ATRN: variants seen among roughly 807,000 people sequenced by gnomAD.
ATRN encodes the protein attractin.
Under a neutral mutation model 178.7 loss-of-function variants are expected in ATRN, and 54 were observed. That is an observed-to-expected ratio of 0.30 (90% CI 0.24 to 0.38). The LOEUF is 0.38. Ranked by LOEUF, ATRN falls within the 10% of genes least tolerant of loss-of-function variation. ATRN has a pLI of 1.00. For synonymous variants in ATRN, 636 were observed against 663.0 expected (o/e 0.96, Z 0.63); for missense variants, 1,443 against 1,815.1 (o/e 0.79, Z 3.73).
chr20:3,493,019 TTATC>T (rs1312187688), intron 1 of ATRN, among the ~76,000 whole-genome samples: 2 of 144,560 alleles, frequency 1.4e-5, no homozygotes, highest in Non-Finnish European at 3.0e-5. Context: ...TAATTGTATA[TTATC>T]TATAATTATA....
At chr20:3,540,367 G>T in intron 3 of ATRN, 32 bp downstream of exon 3, 1 of 1,352,246 alleles carries the variant, frequency 7.4e-7, no homozygotes. Context: ...TTCTTTCATC[G>T]TTTGATTTCT....
intron 24 of ATRN, among the ~76,000 whole-genome samples, chr20:3,624,171 A>T (rs953300277): frequency 1.3e-5 from 2 of 152,338 alleles, no homozygotes; most frequent in East Asian, 1.9e-4. Context: ...ACTGAGGCAA[A>T]CAAGGAGAGC....
At chr20:3,602,096 A>G (rs549452497) in intron 23 of ATRN, among the ~76,000 whole-genome samples, 16 of 151,990 alleles carry the variant, frequency 1.1e-4, no homozygotes, top group Non-Finnish European at 1.6e-4. Flanking sequence ...TGGGAAGCCA[A>G]GGTGGGAAGA....
intron 1 of ATRN, among the ~76,000 whole-genome samples, chr20:3,509,803 C>T (rs897524735): frequency 2.6e-5 from 4 of 152,132 alleles, no homozygotes; most frequent in Admixed American, 6.5e-5. Context: ...CACGCCCAGC[C>T]ACAAATTTTT....
chr20:3,556,854 C>T (rs2085884031), intron 6 of ATRN, among the ~76,000 whole-genome samples: 1 of 151,966 alleles, frequency 6.6e-6, no homozygotes, highest in South Asian at 2.1e-4. Flanking sequence ...TGATGGTTCA[C>T]CTTAGCCAGA....
chr20:3,641,308 A>G (rs894205225), intron 27 of ATRN, among the ~76,000 whole-genome samples: 31 of 152,148 alleles, frequency 2.0e-4, no homozygotes, highest in African/African-American at 7.0e-4. Context: ...ATGGGAAAAG[A>G]GGCCGGGTGT....
chr20:3,611,446 A>G lies in ATRN; in HGVS notation c.3801+7184A>G, dbSNP rs114242472. On this transcript the variant is annotated intron_variant, in intron 24 of 28. Coordinates refer to ENST00000262919, the MANE Select transcript of ATRN (RefSeq NM_139321.3). ...ATGACATAAAAGATGATCGGCATCA[A>G]TAACCATTAGAGAGGCCAGGTGTGG... 5.8e-3 allele frequency among the ~76,000 whole-genome samples: 883 copies of G among 152,354 alleles called. 11 individuals carry two copies. The highest frequency in any genetic ancestry group is 0.02 in the African/African-American group (839 of 41,576).
At chr20:3,582,046 C>A in intron 15 of ATRN, 89 bp from the exon 16 acceptor site, 1 of 1,227,712 alleles carries the variant, frequency 8.1e-7, no homozygotes, top group Non-Finnish European at 1.2e-6. Context: ...TTGAAACTAG[C>A]CAGGGCAACA....
chr20:3,490,538 T>C (rs747009026), intron 1 of ATRN: 2 of 1,193,370 alleles, frequency 1.7e-6, no homozygotes, highest in Non-Finnish European at 2.5e-6. Flanking sequence ...AGGTATGTGA[T>C]ATAATCCAGC....
chr20:3,480,375 A>G (rs1350196343), intron 1 of ATRN, among the ~76,000 whole-genome samples: 1 of 152,176 alleles, frequency 6.6e-6, no homozygotes, highest in Non-Finnish European at 1.5e-5. Flanking sequence ...TAGAACTGTT[A>G]AGAGTTAGCG....
At chr20:3,542,452 A>T (rs1042900622) in intron 3 of ATRN, among the ~76,000 whole-genome samples, 5 of 150,812 alleles carry the variant, frequency 3.3e-5, no homozygotes, top group African/African-American at 1.2e-4. Context: ...AATTCTTCAA[A>T]AGAACATTAT....
chr20:3,588,044 G>A (rs1273416210), intron 18 of ATRN, among the ~76,000 whole-genome samples: 5 of 151,954 alleles, frequency 3.3e-5, no homozygotes, highest in Admixed American at 6.6e-5. Context: ...ACAGGGTTTC[G>A]CCATGTTGCC....
chr20:3,541,616 GTA>G (rs1377868842), intron 3 of ATRN, among the ~76,000 whole-genome samples: 1 of 152,032 alleles, frequency 6.6e-6, no homozygotes, highest in Non-Finnish European at 1.5e-5. Context: ...GTAAGTATTT[GTA>G]TATCTAAACA....
chr20:3,479,081 A>G (rs2084579708), intron 1 of ATRN, among the ~76,000 whole-genome samples: 1 of 151,932 alleles, frequency 6.6e-6, no homozygotes, highest in Non-Finnish European at 1.5e-5. Context: ...TGTAGAGATG[A>G]GGTCTCACTA....
intron 9 of ATRN, 91 bp downstream of exon 9, chr20:3,562,550 G>T: frequency 1.5e-6 from 2 of 1,320,288 alleles, no homozygotes; most frequent in Non-Finnish European, 1.1e-6. Flanking sequence ...TTGTTTTCAT[G>T]CCTGGCAGAT....
intron 25 of ATRN, among the ~76,000 whole-genome samples, chr20:3,631,327 T>TTCCCCAAA (rs2086988187): frequency 6.6e-6 from 1 of 152,080 alleles, no homozygotes; most frequent in Admixed American, 6.6e-5. Flanking sequence ...CTCTGAAGAA[T>TTCCCCAAA]GGCTCATATA....
chr20:3,642,792 C>A (rs1182652480), intron 27 of ATRN, among the ~76,000 whole-genome samples: 2 of 152,172 alleles, frequency 1.3e-5, no homozygotes, highest in Admixed American at 1.3e-4. Context: ...CAGTCACACA[C>A]TACTCTAGGT....
At chr20:3,493,123 TG>T (rs2084830065) in intron 1 of ATRN, among the ~76,000 whole-genome samples, 1 of 974 alleles carries the variant, frequency 1.0e-3, no homozygotes, top group Non-Finnish European at 7.9e-3. Context: ...TACGTTTGTT[TG>T]TGTGTGTGTG....
chr20:3,582,066 T>TC, intron 15 of ATRN, 69 bp from the exon 16 acceptor site: 2 of 1,407,362 alleles, frequency 1.4e-6, no homozygotes, highest in East Asian at 4.7e-5. Flanking sequence ...ATGGCAAGAC[T>TC]CCATCTCCAA....
Sources: allele counts gnomAD v4.1 joint callset (sites outside exome capture counted in the v4.1 genomes callset), GRCh38; gene constraint gnomAD v4.1.1; transcripts MANE v1.5; gene names NCBI Gene and HGNC (gene_info 2026-07-23, HGNC 2026-07-21).